The following DEFB114 variants were observed in gnomAD, a reference collection of about 807,000 sequenced individuals.
The protein encoded by DEFB114 is defensin beta 114.
In DEFB114, 4 loss-of-function variants were observed where a neutral mutation model predicts 2.4. The ratio of observed to expected loss-of-function variants is 1.67; its 90% CI spans 0.82 to 3.82. The LOEUF is 3.82. Among genes scored for constraint, DEFB114 ranks in the 30% most tolerant of loss-of-function variants. The pLI, the probability that DEFB114 is intolerant of heterozygous loss-of-function variation, is 0.01. For missense variants in DEFB114, 113 were observed against 85.8 expected, an observed-to-expected ratio of 1.32 and a Z score of -1.25; for synonymous variants, 35 against 24.6, an observed-to-expected ratio of 1.42 and a Z score of -1.26.
intron 1 of DEFB114, among the ~76,000 whole-genome samples, chr6:49,961,596 G>T (rs1773462245): frequency 6.6e-6 from 1 of 150,650 alleles, no homozygotes. Context: ...AACAGCAGAT[G>T]CTTTATTGTA....
At position 49,960,500 on chromosome 6, in the gene DEFB114, A is replaced by T. The variant is rs1773440588; in HGVS notation, c.56-54T>A. The T allele has an allele frequency of 3.3e-6, 5 of 1,526,324 alleles. No individual in the cohort carries two copies. In the East Asian group the frequency reaches 1.2e-4, roughly 35 times the overall value. 94.5% of individuals were successfully genotyped at this position (1,526,324 alleles called of 1,614,324 possible). A position where few individuals can be genotyped will look rare whatever the true frequency, so the allele number is the denominator to read the frequency against. ...CTAATCTTTTATTTAAGCATATATT[A>T]CTTCTGATTTCATAGAGTATGATGT... is the stretch of plus-strand genomic sequence containing the variant. On this transcript the variant is annotated intron_variant, in intron 1 of 1. Transcript: ENST00000322066.
At chr6:49,962,706 T>C (rs1773482508) in intron 1 of DEFB114, among the ~76,000 whole-genome samples, 2 of 150,398 alleles carry the variant, frequency 1.3e-5, no homozygotes, top group African/African-American at 4.8e-5. Flanking sequence ...CCTTTTTCCA[T>C]GCTTGCATCT....
At chr6:49,963,784 T>C (rs928269221) in intron 1 of DEFB114, among the ~76,000 whole-genome samples, 1 of 149,808 alleles carries the variant, frequency 6.7e-6, no homozygotes, top group African/African-American at 2.4e-5. Flanking sequence ...TTCTGAACAA[T>C]TTAAATATCT....
rs1253893049 is a variant in DEFB114, at chr6:49,960,395, C to T, written c.107G>A (p.Cys36Tyr). 1 of 1,608,208 alleles carries T rather than the reference C, an allele frequency of 6.2e-7. No homozygotes were observed. Among genetic ancestry groups the T allele is most frequent in the Non-Finnish European group, 8.5e-7 (1 of 1,176,502 alleles). The change falls in exon 2 of 2, where the codon TGT (cysteine) becomes TAT (tyrosine). Residue 36 changes from cysteine (C) to tyrosine (Y), a missense_variant. Coordinates refer to ENST00000322066, the MANE Select transcript of DEFB114 (RefSeq NM_001037499.2). ...TTCACTCTCAAGACAGTCTCTTTTA[C>T]AACGACCGTAACGTTTGGTGCAACG... ...ADRCTKRYGR[C>Y]KRDCLESEKQ...
chr6:49,960,317 A>ATTTCTTCATAC lies in DEFB114; in HGVS notation c.184_185insGTATGAAGAAA (p.Leu62CysfsTer?), dbSNP rs1402326137. On this transcript the variant is annotated frameshift_variant, in exon 2 of 2. Coordinates refer to ENST00000322066, the MANE Select transcript of DEFB114 (RefSeq NM_001037499.2). LOFTEE classifies it low-confidence loss of function (END_TRUNC). ...TCAAAACATATCATCTTCTTCATACAATTTCTCAGTGCAGCAAATTTTTCT... is the reference window on the plus strand; with the variant it reads ...TCAAAACATATCATCTTCTTCATACATTTCTTCATACATTTCTCAGTGCAGCAAATTTTTCT... The ATTTCTTCATAC allele has an allele frequency of 6.2e-7, 1 of 1,605,426 alleles. No homozygotes were observed. Among genetic ancestry groups the ATTTCTTCATAC allele is most frequent in the African/African-American group, 1.4e-5 (1 of 74,062 alleles).
chr6:49,961,376 T>C (rs1773457178), intron 1 of DEFB114, among the ~76,000 whole-genome samples: 1 of 150,700 alleles, frequency 6.6e-6, no homozygotes. Flanking sequence ...TGTAGCTAAC[T>C]TCATTTCTTT....
At chr6:49,962,632 A>G (rs898330745) in intron 1 of DEFB114, among the ~76,000 whole-genome samples, 2 of 150,422 alleles carry the variant, frequency 1.3e-5, no homozygotes, top group Admixed American at 6.7e-5. Flanking sequence ...AAGAAATACT[A>G]CTACTTGTAT....
chr6:49,960,722 T>A (rs1001778034), intron 1 of DEFB114, among the ~76,000 whole-genome samples: 1 of 150,842 alleles, frequency 6.6e-6, no homozygotes, highest in Non-Finnish European at 1.5e-5. Flanking sequence ...AAAAAAAAAT[T>A]CAAGATATTT....
At position 49,960,281 on chromosome 6, in the gene DEFB114, T is replaced by C. The variant is rs766323453; in HGVS notation, c.*11A>G. On this transcript the variant is annotated 3_prime_UTR_variant, in exon 2 of 2. Coordinates refer to ENST00000322066, the MANE Select transcript of DEFB114 (RefSeq NM_001037499.2). ...CATGTAACTTCTTTGTTCAGAGGTATGCCTTTCTTTTCAAAACATATCATC... is the reference window on the plus strand; with the variant it reads ...CATGTAACTTCTTTGTTCAGAGGTACGCCTTTCTTTTCAAAACATATCATC... 3 of 1,597,326 alleles carry C rather than the reference T, an allele frequency of 1.9e-6. No individual in the cohort carries two copies. The highest frequency in any genetic ancestry group is 2.2e-5 in the South Asian group (2 of 89,096).
chr6:49,962,204 C>T (rs1342393935), intron 1 of DEFB114, among the ~76,000 whole-genome samples: 1 of 150,380 alleles, frequency 6.6e-6, no homozygotes, highest in Non-Finnish European at 1.5e-5. Context: ...ACTTAAACTT[C>T]CAGAAGCATT....
rs767063995 is a variant in DEFB114 at position 49,964,068 on chromosome 6, A to G, written c.38T>C (p.Val13Ala). 2 of 1,588,532 alleles carry G rather than the reference A, an allele frequency of 1.3e-6. No individual in the cohort carries two copies. Among genetic ancestry groups the G allele is most frequent in the Admixed American group, 1.7e-5 (1 of 58,078 alleles). Residue 13 changes from valine to alanine, a missense_variant, in exon 1 of 2, where the codon GTG (valine) becomes GCG (alanine). Val to Ala is a moderately conservative substitution (Grantham distance 64). Transcript: ENST00000322066. ...TATCTTACCTGGTAGAATGAAGGTCACATAACACAGAAAATGGAGATAGTA... is the reference window on the plus strand; with the variant it reads ...TATCTTACCTGGTAGAATGAAGGTCGCATAACACAGAAAATGGAGATAGTA... ...IFYYLHFLCY[V>A]TFILPATCTL...
chr6:49,960,314 T>C lies in DEFB114; in HGVS notation c.188A>G (p.Tyr63Cys), dbSNP rs1318496028. The C allele has an allele frequency of 1.2e-6, 2 of 1,605,724 alleles. No homozygotes were observed. Among genetic ancestry groups the C allele is most frequent in the Non-Finnish European group, 1.7e-6 (2 of 1,175,422 alleles). Residue 63 changes from tyrosine (Y) to cysteine (C), a missense_variant, in exon 2 of 2, where the codon TAT becomes TGT. Coordinates refer to ENST00000322066, the MANE Select transcript of DEFB114 (RefSeq NM_001037499.2). The stretch of plus-strand genomic sequence containing the variant: ...TTTTCAAAACATATCATCTTCTTCA[T>C]ACAATTTCTCAGTGCAGCAAATTTT... ...PRKICCTEKL[Y>C]EEDDMF
intron 1 of DEFB114, among the ~76,000 whole-genome samples, chr6:49,963,724 T>C (rs1237235080): frequency 6.7e-6 from 1 of 149,888 alleles, no homozygotes; most frequent in Non-Finnish European, 1.5e-5. Flanking sequence ...TCTAATTACT[T>C]TCAAGCTTTC....
intron 1 of DEFB114, among the ~76,000 whole-genome samples, chr6:49,962,501 A>G (rs9357639): frequency 0.58 from 86,920 of 149,884 alleles, 26,020 homozygotes; most frequent in African/African-American, 0.73. Flanking sequence ...TGTTCCTTTT[A>G]TATGCTAAAT....
intron 1 of DEFB114, among the ~76,000 whole-genome samples, chr6:49,963,114 A>T (rs1773488884): frequency 6.7e-6 from 1 of 150,274 alleles, no homozygotes. Flanking sequence ...AAACTTTTCC[A>T]GATAATAGAA....
At chr6:49,962,126 G>A (rs1773472476) in intron 1 of DEFB114, among the ~76,000 whole-genome samples, 2 of 150,458 alleles carry the variant, frequency 1.3e-5, no homozygotes, top group South Asian at 2.1e-4. Flanking sequence ...GAAATACAAT[G>A]GTAAGGTGTC....
At position 49,962,217 on chromosome 6, in the gene DEFB114, AT is replaced by A. The variant is rs1359600577; in HGVS notation, c.56-1772del. ...TAACTTAAACTTCCAGAAGCATTGA[AT>A]AATAGTTTCAGACATCTAAAATCTA... is the stretch of plus-strand genomic sequence containing the variant. On this transcript the variant is annotated intron_variant, in intron 1 of 1. Transcript: ENST00000322066. Among the ~76,000 whole-genome samples, 123 of 150,640 alleles carry A rather than the reference AT, an allele frequency of 8.2e-4. 1 individual carries two copies. The highest frequency in any genetic ancestry group is 2.7e-3 in the African/African-American group (112 of 41,406).
chr6:49,962,649 A>G (rs1203972148), intron 1 of DEFB114, among the ~76,000 whole-genome samples: 1 of 150,384 alleles, frequency 6.6e-6, no homozygotes, highest in East Asian at 1.9e-4. Flanking sequence ...GTATGTTAAA[A>G]TTGTTAGTAA....
intron 1 of DEFB114, among the ~76,000 whole-genome samples, chr6:49,962,970 A>G (rs889726031): frequency 6.6e-6 from 1 of 150,462 alleles, no homozygotes; most frequent in East Asian, 1.9e-4. Flanking sequence ...AGAAATAGAA[A>G]ATCTAAATGT....
Sources: allele counts gnomAD v4.1 joint callset (sites outside exome capture counted in the v4.1 genomes callset), GRCh38; gene constraint gnomAD v4.1.1; transcripts MANE v1.5; gene names NCBI Gene and HGNC (gene_info 2026-07-23, HGNC 2026-07-21).